The following PTPRD variants were observed in gnomAD, a reference collection of about 807,000 sequenced individuals.
The protein encoded by PTPRD is protein tyrosine phosphatase receptor type D.
In PTPRD, 34 loss-of-function variants were observed where a neutral mutation model predicts 214.5. The observed-to-expected ratio is 0.16, with a 90% CI of 0.12 to 0.21. The LOEUF (loss-of-function observed/expected upper bound fraction) is 0.21, where lower values mean the gene tolerates loss of function less well. Among genes scored for constraint, PTPRD ranks in the 10% least tolerant of loss-of-function variants. The probability of loss-of-function intolerance (pLI) is 1.00; values close to 1 mark genes in which losing one functional copy is unlikely to be tolerated. For synonymous variants in PTPRD, 1,128 were observed against 845.7 expected (o/e 1.33, Z -5.79); for missense variants, 2,545 against 2,398.7 (o/e 1.06, Z -1.27).
At chr9:9,192,209 T>G (rs2099935664) in intron 9 of PTPRD, among the ~76,000 whole-genome samples, 1 of 151,736 alleles carries the variant, frequency 6.6e-6, no homozygotes. Context: ...AATGTTAAAT[T>G]TTATATAGCA....
intron 5 of PTPRD, among the ~76,000 whole-genome samples, chr9:9,853,766 C>T (rs1438665353): frequency 6.6e-6 from 1 of 152,058 alleles, no homozygotes; most frequent in African/African-American, 2.4e-5. Flanking sequence ...CCAGGATGGT[C>T]TCAATGGTCT....
intron 2 of PTPRD, among the ~76,000 whole-genome samples, chr9:10,443,068 C>T (rs1234006764): frequency 6.7e-6 from 1 of 149,600 alleles, no homozygotes; most frequent in Non-Finnish European, 1.5e-5. Flanking sequence ...TAGAATTCTG[C>T]CTTCTAATGT....
chr9:9,773,624 C>G (rs2098771651), intron 5 of PTPRD, among the ~76,000 whole-genome samples: 1 of 152,182 alleles, frequency 6.6e-6, no homozygotes, highest in Non-Finnish European at 1.5e-5. Context: ...ATGAAACAGT[C>G]TAAGCCTTGT....
intron 11 of PTPRD, among the ~76,000 whole-genome samples, chr9:8,913,524 G>A (rs2154263049): frequency 6.6e-6 from 1 of 152,096 alleles, no homozygotes; most frequent in Admixed American, 6.6e-5. Context: ...GCATACATCT[G>A]GCATAGCTCA....
chr9:8,807,514 G>A (rs917273126), intron 11 of PTPRD, among the ~76,000 whole-genome samples: 1 of 151,160 alleles, frequency 6.6e-6, no homozygotes, highest in Non-Finnish European at 1.5e-5. Context: ...CACATGAGGA[G>A]AGAATTAAAC....
intron 10 of PTPRD, among the ~76,000 whole-genome samples, chr9:9,130,686 C>A (rs188921506): frequency 6.6e-6 from 1 of 152,160 alleles, no homozygotes; most frequent in Non-Finnish European, 1.5e-5. Context: ...TATTTGGTTC[C>A]TACTGACCTT....
intron 44 of PTPRD, among the ~76,000 whole-genome samples, chr9:8,326,374 A>T (rs951372105): frequency 1.3e-5 from 2 of 152,156 alleles, no homozygotes; most frequent in African/African-American, 4.8e-5. Flanking sequence ...GATTACGTTC[A>T]TTGATTTGTG....
At chr9:8,936,189 T>C (rs930363166) in intron 11 of PTPRD, 3 of 152,080 alleles carry the variant, frequency 2.0e-5, no homozygotes, top group Admixed American at 6.6e-5. Flanking sequence ...GGTAAGTGGA[T>C]CGCTTGAGCT....
At chr9:9,414,488 G>C (rs964342279) in intron 8 of PTPRD, among the ~76,000 whole-genome samples, 12 of 152,180 alleles carry the variant, frequency 7.9e-5, no homozygotes, top group African/African-American at 2.9e-4. Flanking sequence ...GGAGGTGGTG[G>C]TAATTGAGTC....
intron 2 of PTPRD, among the ~76,000 whole-genome samples, chr9:10,473,754 G>A (rs1229528483): frequency 1.3e-5 from 2 of 152,000 alleles, no homozygotes; most frequent in African/African-American, 4.8e-5. Flanking sequence ...AGACATTTAG[G>A]GAGGATAAAT....
chr9:9,589,116 G>T (rs2092431258), intron 7 of PTPRD, among the ~76,000 whole-genome samples: 1 of 151,878 alleles, frequency 6.6e-6, no homozygotes, highest in Non-Finnish European at 1.5e-5. Flanking sequence ...ACTAACTGGA[G>T]AAATATTTGT....
intron 11 of PTPRD, among the ~76,000 whole-genome samples, chr9:8,948,460 TATATTTAC>T (rs1486177081): frequency 0.09 from 1,258 of 13,984 alleles, 286 homozygotes; most frequent in South Asian, 0.28. Context: ...TATTTATATA[TATATTTAC>T]ATATATATAT....
chr9:9,280,608 CTT>C (rs1947334692), intron 9 of PTPRD, among the ~76,000 whole-genome samples: 1 of 151,044 alleles, frequency 6.6e-6, no homozygotes, highest in Admixed American at 6.6e-5. Flanking sequence ...AACTATAAAA[CTT>C]TGATAAAAAA....
At chr9:9,575,201 G>A (rs938529950) in intron 7 of PTPRD, among the ~76,000 whole-genome samples, 6 of 152,024 alleles carry the variant, frequency 3.9e-5, no homozygotes, top group African/African-American at 7.2e-5. Flanking sequence ...TACCATAATC[G>A]TACTTTTTAT....
At chr9:8,927,498 G>A (rs1197120748) in intron 11 of PTPRD, among the ~76,000 whole-genome samples, 3 of 152,066 alleles carry the variant, frequency 2.0e-5, no homozygotes, top group Non-Finnish European at 4.4e-5. Flanking sequence ...TGAGAATGAT[G>A]GTTTCCAGCT....
At chr9:10,142,047 G>C (rs1330397906) in intron 3 of PTPRD, among the ~76,000 whole-genome samples, 1 of 151,810 alleles carries the variant, frequency 6.6e-6, no homozygotes, top group East Asian at 1.9e-4. Context: ...TTAATAAATG[G>C]TGCTGGGAAA....
intron 37 of PTPRD, among the ~76,000 whole-genome samples, chr9:8,386,855 G>A (rs952574702): frequency 2.6e-5 from 4 of 152,172 alleles, no homozygotes; most frequent in Non-Finnish European, 5.9e-5. Context: ...GGGAATGATG[G>A]GAGGGAGGAA....
At chr9:8,596,409 A>C (rs946386277) in intron 14 of PTPRD, among the ~76,000 whole-genome samples, 1 of 152,078 alleles carries the variant, frequency 6.6e-6, no homozygotes, top group African/African-American at 2.4e-5. Context: ...AAGATGCTTA[A>C]TATACTACAT....
At chr9:10,246,569 A>G (rs936790459) in intron 3 of PTPRD, among the ~76,000 whole-genome samples, 24 of 152,150 alleles carry the variant, frequency 1.6e-4, no homozygotes, top group African/African-American at 5.6e-4. Flanking sequence ...AATAGTTCTA[A>G]TTCCTGCAGA....
Sources: gnomAD v4.1 joint callset for allele counts (sites outside exome capture counted in the v4.1 genomes callset) on GRCh38, gnomAD v4.1.1 for gene constraint, MANE v1.5 for transcripts, NCBI Gene and HGNC (gene_info 2026-07-23, HGNC 2026-07-21) for gene names.